VOPP1: variants seen among roughly 807,000 people sequenced by gnomAD.
VOPP1 encodes the protein VOPP1 WW domain binding protein.
A neutral mutation model predicts 23.5 loss-of-function variants in VOPP1; 8 were observed. That is an observed-to-expected ratio of 0.34 (90% CI 0.20 to 0.61). The LOEUF (loss-of-function observed/expected upper bound fraction) is 0.61. VOPP1 is among the 20% of genes least tolerant of loss of function. The probability of loss-of-function intolerance (pLI) is 0.78; values close to 1 mark genes in which losing one functional copy is unlikely to be tolerated. For missense variants in VOPP1, 174 were observed against 238.1 expected (o/e 0.73, Z 1.77); for synonymous variants, 83 against 97.3 (o/e 0.85, Z 0.86).
intron 4 of VOPP1, among the ~76,000 whole-genome samples, chr7:55,461,095 G>A (rs1433781105): frequency 1.3e-5 from 2 of 152,126 alleles, no homozygotes. Flanking sequence ...TGATCTGGAT[G>A]AGATTGGAGA....
intron 4 of VOPP1, among the ~76,000 whole-genome samples, chr7:55,490,989 A>T (rs183550116): frequency 2.0e-4 from 31 of 152,370 alleles, no homozygotes; most frequent in Admixed American, 1.8e-3. Flanking sequence ...AGGAAAACAG[A>T]AGAGAGAAGA....
chr7:55,545,877 C>CG (rs1797344918), intron 1 of VOPP1, among the ~76,000 whole-genome samples: 1 of 151,560 alleles, frequency 6.6e-6, no homozygotes, highest in South Asian at 2.1e-4. Context: ...GAGACCAGCC[C>CG]GGGCCACACA....
chr7:55,505,780 A>G (rs1214857972), intron 2 of VOPP1, among the ~76,000 whole-genome samples: 1 of 152,080 alleles, frequency 6.6e-6, no homozygotes, highest in Non-Finnish European at 1.5e-5. Context: ...ATTGATGATT[A>G]AGTCAATGGT....
chr7:55,462,024 T>C (rs1189469516), intron 4 of VOPP1, among the ~76,000 whole-genome samples: 2 of 152,242 alleles, frequency 1.3e-5, no homozygotes, highest in East Asian at 1.9e-4. Context: ...AGGGCTGGTA[T>C]AGTGGTGATG....
At chr7:55,465,937 C>G (rs142816645), downstream of VOPP1, among the ~76,000 whole-genome samples, 1 of 152,262 alleles carries the variant, frequency 6.6e-6, no homozygotes, top group Non-Finnish European at 1.5e-5. Flanking sequence ...CTGTGTCCCC[C>G]CAAATGTCAT....
At chr7:55,508,881 AAAAATCTTT>A (rs1794896904) in intron 2 of VOPP1, among the ~76,000 whole-genome samples, 1 of 152,096 alleles carries the variant, frequency 6.6e-6, no homozygotes, top group African/African-American at 2.4e-5. Flanking sequence ...GTCTCTATAA[AAAAATCTTT>A]AAAATTAGCC....
intron 2 of VOPP1, among the ~76,000 whole-genome samples, chr7:55,519,155 G>C (rs117044601): frequency 0.011 from 1,671 of 152,268 alleles, 11 homozygotes; most frequent in Middle Eastern, 0.02. Flanking sequence ...GTGTTCTCAT[G>C]GTGACTTCAC....
intron 4 of VOPP1, among the ~76,000 whole-genome samples, chr7:55,461,660 C>T (rs1791503959): frequency 6.6e-6 from 1 of 152,234 alleles, no homozygotes; most frequent in African/African-American, 2.4e-5. Context: ...TCGTGATCCA[C>T]CCACCTCAGC....
At chr7:55,470,399 C>T (rs531219142), downstream of VOPP1, among the ~76,000 whole-genome samples, 5 of 152,212 alleles carry the variant, frequency 3.3e-5, 1 homozygote, top group South Asian at 6.2e-4. Context: ...ATTACTTCAG[C>T]GATGCTTCTG....
intron 2 of VOPP1, among the ~76,000 whole-genome samples, chr7:55,506,940 C>A (rs1408583303): frequency 6.6e-6 from 1 of 152,176 alleles, no homozygotes; most frequent in African/African-American, 2.4e-5. Context: ...CTGTGCCCGG[C>A]CCCACAAGCT....
intron 4 of VOPP1, among the ~76,000 whole-genome samples, chr7:55,457,931 G>C (rs1446282197): frequency 6.6e-6 from 1 of 152,046 alleles, no homozygotes; most frequent in African/African-American, 2.4e-5. Flanking sequence ...TTGTTTTGCA[G>C]AATCTTTTTA....
chr7:55,488,486 T>C (rs1022245440), intron 4 of VOPP1, among the ~76,000 whole-genome samples: 1 of 152,020 alleles, frequency 6.6e-6, no homozygotes, highest in African/African-American at 2.4e-5. Flanking sequence ...TGCCAGCCCC[T>C]TTCCACCACG....
intron 1 of VOPP1, among the ~76,000 whole-genome samples, chr7:55,558,488 C>T (rs1208973179): frequency 6.6e-6 from 1 of 152,148 alleles, no homozygotes; most frequent in African/African-American, 2.4e-5. Context: ...CACCTGCTAA[C>T]CTGTTCAGGT....
downstream of VOPP1, among the ~76,000 whole-genome samples, chr7:55,435,792 G>A (rs61445195): frequency 0.027 from 4,136 of 152,346 alleles, 216 homozygotes; most frequent in African/African-American, 0.094. Context: ...GAGGTGGGAA[G>A]CTCGGTTCTT....
intron 4 of VOPP1, among the ~76,000 whole-genome samples, chr7:55,481,773 A>G (rs1219908150): frequency 6.6e-6 from 1 of 152,200 alleles, no homozygotes; most frequent in Admixed American, 6.5e-5. Context: ...ACACGAAGGA[A>G]GTACTCTTAG....
rs1798144670 is a variant in VOPP1, at chr7:55,565,779, GTATAA to G, written c.54+6487_54+6491del. 3.0e-5 allele frequency among the ~76,000 whole-genome samples: 3 copies of G among 99,496 alleles called. No homozygotes were observed. The Admixed American group carries it at 3.1e-4, about 10-fold the overall frequency. 65.3% of individuals were successfully genotyped at this position (99,496 alleles called of 152,430 possible). On this transcript the variant is annotated intron_variant, in intron 1 of 4. Transcript: ENST00000285279. ...TGGGAGGACGCACTAGTATAAACTA[GTATAA>G]TTTTATCTGCTTAATGACAAGGGCC... is the stretch of plus-strand genomic sequence containing the variant.
At chr7:55,570,229 T>C (rs897668164) in intron 1 of VOPP1, among the ~76,000 whole-genome samples, 2 of 152,144 alleles carry the variant, frequency 1.3e-5, no homozygotes, top group South Asian at 2.1e-4. Context: ...ATCTCATACA[T>C]AAAATTTCAT....
At chr7:55,475,982 C>CAGGGGAA (rs1792213366) in intron 4 of VOPP1, among the ~76,000 whole-genome samples, 1 of 152,162 alleles carries the variant, frequency 6.6e-6, no homozygotes, top group Non-Finnish European at 1.5e-5. Flanking sequence ...ACCAGAAAGT[C>CAGGGGAA]AGACTCTCCC....
intron 1 of VOPP1, chr7:55,561,798 C>T (rs1797998689): frequency 2.4e-5 from 14 of 584,736 alleles, no homozygotes; most frequent in Non-Finnish European, 3.4e-5. Flanking sequence ...GCTCAGAGCA[C>T]GTGGGAGTAG....
Sources: gnomAD v4.1 joint callset for allele counts (sites outside exome capture counted in the v4.1 genomes callset) on GRCh38, gnomAD v4.1.1 for gene constraint, MANE v1.5 for transcripts, NCBI Gene and HGNC (gene_info 2026-07-23, HGNC 2026-07-21) for gene names.